SCOC: variants seen among roughly 807,000 people sequenced by gnomAD.
SCOC encodes short coiled-coil protein, also known as short coiled coil protein.
Under a neutral mutation model 9.9 loss-of-function variants are expected in SCOC, and 7 were observed. The observed-to-expected ratio is 0.71, with a 90% CI of 0.40 to 1.33. The LOEUF (loss-of-function observed/expected upper bound fraction) is 1.33. Ranked by LOEUF, SCOC falls within the 40% of genes most tolerant of loss-of-function variation. The pLI is 0.01. For synonymous variants in SCOC, 19 were observed against 28.2 expected (o/e 0.67, Z 1.03); for missense variants, 66 against 89.7 (o/e 0.74, Z 1.07).
At chr4:140,265,782 T>C (rs1023328440) in intron 1 of SCOC, among the ~76,000 whole-genome samples, 13 of 152,220 alleles carry the variant, frequency 8.5e-5, no homozygotes, top group Non-Finnish European at 2.9e-5. Flanking sequence ...AATCTTGAAG[T>C]CTAGTTTCTG....
At chr4:140,355,226 T>TATATATATATATATATATATGAG (rs1727170484) in intron 2 of SCOC, among the ~76,000 whole-genome samples, 1 of 122,124 alleles carries the variant, frequency 8.2e-6, no homozygotes, top group South Asian at 2.6e-4. Flanking sequence ...TATATATATA[T>TATATATATATATATATATATGAG]ATATATATAT....
intron 1 of SCOC, among the ~76,000 whole-genome samples, chr4:140,316,787 A>G (rs1732333284): frequency 6.6e-6 from 1 of 152,220 alleles, no homozygotes; most frequent in Non-Finnish European, 1.5e-5. Flanking sequence ...TTTCAATGAA[A>G]CTATGATAAC....
chr4:140,285,989 A>G (rs926502820), intron 1 of SCOC, among the ~76,000 whole-genome samples: 1 of 152,086 alleles, frequency 6.6e-6, no homozygotes, highest in Non-Finnish European at 1.5e-5. Flanking sequence ...GTTTGAGACC[A>G]GCCTGGCCAA....
intron 1 of SCOC, among the ~76,000 whole-genome samples, chr4:140,322,987 T>A (rs1223087919): frequency 6.6e-6 from 1 of 151,952 alleles, no homozygotes; most frequent in Non-Finnish European, 1.5e-5. Context: ...GGAAATAATA[T>A]AGAACATAAA....
At chr4:140,341,365 GCACA>G (rs2126508466), upstream of SCOC, among the ~76,000 whole-genome samples, 1 of 152,254 alleles carries the variant, frequency 6.6e-6, no homozygotes, top group South Asian at 2.1e-4. Flanking sequence ...ATGGTTAAGA[GCACA>G]GACCCTACAG....
chr4:140,311,854 C>T (rs944018747), intron 1 of SCOC, among the ~76,000 whole-genome samples: 1 of 152,036 alleles, frequency 6.6e-6, no homozygotes, highest in African/African-American at 2.4e-5. Flanking sequence ...AGTAGTTAGC[C>T]CTCAGTAAAT....
chr4:140,373,632 G>C (rs747723013), upstream of SCOC: 1 of 1,551,668 alleles, frequency 6.4e-7, no homozygotes, highest in East Asian at 2.4e-5. Flanking sequence ...GGCGGAGTGG[G>C]CGGAGCTGCC....
chr4:140,384,066 T>G lies in SCOC; in HGVS notation c.*2962T>G, dbSNP rs776828995. The G allele has an allele frequency of 6.6e-6, 1 of 152,230 alleles. No individual in the cohort carries two copies. Among genetic ancestry groups the G allele is most frequent in the Non-Finnish European group, 1.5e-5 (1 of 68,050 alleles). The allele number at this position is 152,230 out of a possible 1,614,324, so 9.4% of individuals were successfully genotyped here. A position where few individuals can be genotyped will look rare whatever the true frequency, so the allele number is the denominator to read the frequency against. ...CTGCTATTCAGACTTCAGAAACAAT[T>G]GGCTTAATTTCATGAGGTTCCTTGT... On this transcript the variant is annotated 3_prime_UTR_variant, in exon 4 of 4. Coordinates refer to ENST00000608372, the MANE Select transcript of SCOC (RefSeq NM_001153484.2).
At chr4:140,342,011 C>A (rs1353324167), upstream of SCOC, among the ~76,000 whole-genome samples, 1 of 152,092 alleles carries the variant, frequency 6.6e-6, no homozygotes, top group Non-Finnish European at 1.5e-5. Context: ...AACCTTTCTG[C>A]CTCCCTCCCT....
chr4:140,296,200 G>T (rs1457985515), intron 1 of SCOC, among the ~76,000 whole-genome samples: 2 of 152,076 alleles, frequency 1.3e-5, no homozygotes, highest in Admixed American at 6.5e-5. Context: ...TCACAGAGGG[G>T]TCTTCACAGC....
At chr4:140,359,669 ACT>A (rs1727378174) in intron 2 of SCOC, among the ~76,000 whole-genome samples, 1 of 152,196 alleles carries the variant, frequency 6.6e-6, no homozygotes, top group Non-Finnish European at 1.5e-5. Context: ...AAATACATTT[ACT>A]CTCTCAAGAC....
chr4:140,322,400 T>C (rs1230942870), intron 1 of SCOC, among the ~76,000 whole-genome samples: 2 of 152,152 alleles, frequency 1.3e-5, no homozygotes, highest in Non-Finnish European at 2.9e-5. Context: ...ACTCAAGTGG[T>C]CATGAACGGA....
upstream of SCOC, chr4:140,373,340 C>A: frequency 2.1e-6 from 3 of 1,418,668 alleles, no homozygotes; most frequent in Non-Finnish European, 1.8e-6. Context: ...CACTCCAATT[C>A]TCAGGTTTCC....
At chr4:140,330,186 A>G (rs1037708130) in intron 1 of SCOC, among the ~76,000 whole-genome samples, 4 of 152,206 alleles carry the variant, frequency 2.6e-5, no homozygotes, top group Non-Finnish European at 5.9e-5. Flanking sequence ...TTCTAAGTGA[A>G]GTAACTCAGG....
chr4:140,373,216 A>T, upstream of SCOC: 13 of 1,088,142 alleles, frequency 1.2e-5, no homozygotes, highest in Non-Finnish European at 1.5e-5. Context: ...TGGTTCGCAA[A>T]CGCTCTTTTC....
At chr4:140,322,323 G>A (rs1732524853) in intron 1 of SCOC, among the ~76,000 whole-genome samples, 1 of 152,110 alleles carries the variant, frequency 6.6e-6, no homozygotes, top group Admixed American at 6.6e-5. Flanking sequence ...GAGCATTGAG[G>A]GTGATTCTGG....
At chr4:140,265,502 C>A (rs1032037763) in intron 1 of SCOC, among the ~76,000 whole-genome samples, 2 of 152,160 alleles carry the variant, frequency 1.3e-5, no homozygotes, top group African/African-American at 2.4e-5. Context: ...GAGACTTCAG[C>A]GCAGCCACGT....
intron 2 of SCOC, among the ~76,000 whole-genome samples, chr4:140,348,595 A>G (rs961034168): frequency 7.4e-6 from 1 of 135,460 alleles, no homozygotes; most frequent in Non-Finnish European, 1.6e-5. Context: ...CACACACATC[A>G]CATTTTCTTT....
chr4:140,373,304 T>G (rs1304189143), upstream of SCOC: 1 of 1,383,820 alleles, frequency 7.2e-7, no homozygotes, highest in Non-Finnish European at 9.3e-7. Flanking sequence ...ACCAGCCTCT[T>G]TCCTGATTTT....
Sources: allele counts gnomAD v4.1 joint callset (sites outside exome capture counted in the v4.1 genomes callset), GRCh38; gene constraint gnomAD v4.1.1; transcripts MANE v1.5; gene names NCBI Gene and HGNC (gene_info 2026-07-23, HGNC 2026-07-21).